TBC1D5: variants seen among roughly 807,000 people sequenced by gnomAD.
The protein encoded by TBC1D5 is TBC1 domain family member 5.
Under a neutral mutation model 100.3 loss-of-function variants are expected in TBC1D5, and 75 were observed. That is an observed-to-expected ratio of 0.75 (90% CI 0.62 to 0.91). The LOEUF (loss-of-function observed/expected upper bound fraction) is 0.91, where lower values mean the gene tolerates loss of function less well. Among genes scored for constraint, TBC1D5 ranks in the 40% least tolerant of loss-of-function variants. The pLI is 0.00. For synonymous variants in TBC1D5, 323 were observed against 325.6 expected (o/e 0.99, Z 0.09); for missense variants, 910 against 942.4 (o/e 0.97, Z 0.45).
At chr3:17,291,576 A>G (rs283909) in intron 15 of TBC1D5, among the ~76,000 whole-genome samples, 63,883 of 152,014 alleles carry the variant, frequency 0.42, 14,129 homozygotes, top group Middle Eastern at 0.5. Flanking sequence ...GGTACCAATG[A>G]CAATACAGTT....
At chr3:17,218,384 G>T (rs2073900600) in intron 17 of TBC1D5, among the ~76,000 whole-genome samples, 1 of 151,800 alleles carries the variant, frequency 6.6e-6, no homozygotes, top group Non-Finnish European at 1.5e-5. Flanking sequence ...ATTTAGATAG[G>T]GATTACAGTG....
chr3:17,705,679 C>G (rs2074039905), intron 1 of TBC1D5, among the ~76,000 whole-genome samples: 1 of 137,020 alleles, frequency 7.3e-6, no homozygotes, highest in African/African-American at 2.7e-5. Flanking sequence ...TCCTCACTTC[C>G]TAGATGTGAT....
At chr3:17,386,617 G>A (rs2093163063) in intron 8 of TBC1D5, among the ~76,000 whole-genome samples, 1 of 151,994 alleles carries the variant, frequency 6.6e-6, no homozygotes, top group African/African-American at 2.4e-5. Flanking sequence ...TTCAAATAAG[G>A]CAAACACCAA....
intron 19 of TBC1D5, among the ~76,000 whole-genome samples, chr3:17,180,792 T>A (rs889452340): frequency 6.6e-6 from 1 of 151,784 alleles, no homozygotes; most frequent in Admixed American, 6.6e-5. Flanking sequence ...TGGTGAGGGA[T>A]GAGAAATCAC....
intron 2 of TBC1D5, among the ~76,000 whole-genome samples, chr3:17,585,950 T>C (rs2096729999): frequency 6.6e-6 from 1 of 152,112 alleles, no homozygotes; most frequent in African/African-American, 2.4e-5. Flanking sequence ...TTCCTACTTC[T>C]TTAAGAAATG....
chr3:17,299,293 T>C (rs1027691425), intron 14 of TBC1D5, among the ~76,000 whole-genome samples: 1 of 152,188 alleles, frequency 6.6e-6, no homozygotes, highest in Non-Finnish European at 1.5e-5. Flanking sequence ...GATTTCATCA[T>C]GCTACTCAGA....
At chr3:17,474,358 CAT>C (rs1209431875) in intron 3 of TBC1D5, among the ~76,000 whole-genome samples, 6 of 152,108 alleles carry the variant, frequency 3.9e-5, no homozygotes, top group Non-Finnish European at 7.4e-5. Flanking sequence ...AAATGTCCAT[CAT>C]ATCTTTGTTT....
At chr3:17,406,680 T>C (rs1301933130) in intron 4 of TBC1D5, 154 bp from the exon 5 acceptor site, 8 of 595,202 alleles carry the variant, frequency 1.3e-5, no homozygotes, top group Non-Finnish European at 2.0e-5. Context: ...CGCATGGCTG[T>C]CTTTTTGGAC....
At chr3:17,626,047 C>T (rs181260550) in intron 1 of TBC1D5, among the ~76,000 whole-genome samples, 10 of 152,138 alleles carry the variant, frequency 6.6e-5, no homozygotes, top group Admixed American at 5.9e-4. Flanking sequence ...AGATATATAG[C>T]ATTATGTGTA....
chr3:17,213,752 A>T (rs2073268318), intron 18 of TBC1D5, among the ~76,000 whole-genome samples: 1 of 150,964 alleles, frequency 6.6e-6, no homozygotes, highest in Non-Finnish European at 1.5e-5. Context: ...AAAAAAAAAA[A>T]AAAAAAAGAA....
At chr3:17,406,557 C>CT (rs1461125179) in intron 4 of TBC1D5, 31 bp from the exon 5 acceptor site, 2 of 1,582,746 alleles carry the variant, frequency 1.3e-6, no homozygotes, top group Admixed American at 1.8e-5. Context: ...CATGAGAATC[C>CT]TTTTGTTAAA....
At chr3:17,232,029 AG>A (rs932360056) in intron 17 of TBC1D5, among the ~76,000 whole-genome samples, 1 of 152,190 alleles carries the variant, frequency 6.6e-6, no homozygotes, top group African/African-American at 2.4e-5. Context: ...GTGAAAACAG[AG>A]CTTGACACAG....
intron 1 of TBC1D5, among the ~76,000 whole-genome samples, chr3:17,725,555 C>A (rs531469391): frequency 5.8e-4 from 88 of 152,178 alleles, no homozygotes; most frequent in African/African-American, 2.1e-3. Context: ...CTTGGGCCAT[C>A]CTGGGCTTCC....
At chr3:17,612,354 C>T (rs537220070) in intron 2 of TBC1D5, among the ~76,000 whole-genome samples, 5 of 150,130 alleles carry the variant, frequency 3.3e-5, no homozygotes, top group Admixed American at 2.0e-4. Context: ...AGAGGCTAGG[C>T]GCGGTGGCTC....
intron 15 of TBC1D5, among the ~76,000 whole-genome samples, chr3:17,282,861 T>C (rs1360361440): frequency 6.6e-6 from 1 of 152,194 alleles, no homozygotes; most frequent in Non-Finnish European, 1.5e-5. Context: ...TAATGCCAAA[T>C]AAAAATTTAT....
chr3:17,563,852 A>C (rs1021937457), intron 2 of TBC1D5, among the ~76,000 whole-genome samples: 4 of 152,110 alleles, frequency 2.6e-5, no homozygotes, highest in East Asian at 1.9e-4. Flanking sequence ...GCTTGATCTC[A>C]GCTCTCTGCA....
intron 4 of TBC1D5, among the ~76,000 whole-genome samples, chr3:17,422,354 GTT>G (rs1317503738): frequency 7.0e-6 from 1 of 143,044 alleles, no homozygotes; most frequent in Non-Finnish European, 1.5e-5. Flanking sequence ...TTGTTTTTTT[GTT>G]TTTTTTTTTC....
chr3:17,540,135 A>G (rs2096334809), intron 2 of TBC1D5, among the ~76,000 whole-genome samples: 1 of 152,130 alleles, frequency 6.6e-6, no homozygotes, highest in South Asian at 2.1e-4. Flanking sequence ...CCATTTGTAT[A>G]TTTTCTTTGG....
At chr3:17,256,795 T>C (rs1393329225) in intron 16 of TBC1D5, among the ~76,000 whole-genome samples, 1 of 152,142 alleles carries the variant, frequency 6.6e-6, no homozygotes, top group Admixed American at 6.5e-5. Flanking sequence ...CAGTTCATGA[T>C]GATGGGATAG....
Sources: allele counts gnomAD v4.1 joint callset (sites outside exome capture counted in the v4.1 genomes callset), GRCh38; gene constraint gnomAD v4.1.1; transcripts MANE v1.5; gene names NCBI Gene and HGNC (gene_info 2026-07-23, HGNC 2026-07-21).